DST: variants seen among roughly 807,000 people sequenced by gnomAD.
The protein encoded by DST is bullous pemphigoid antigen.
A neutral mutation model predicts 875.2 loss-of-function variants in DST; 253 were observed. The observed-to-expected ratio is 0.29, with a 90% CI of 0.26 to 0.32. The LOEUF (loss-of-function observed/expected upper bound fraction) is 0.32. DST is among the 10% of genes least tolerant of loss of function. The pLI is 1.00. For missense variants in DST, 8,287 were observed against 9,111.6 expected, an observed-to-expected ratio of 0.91 and a Z score of 3.68; for synonymous variants, 3,124 against 3,197.1, an observed-to-expected ratio of 0.98 and a Z score of 0.77.
At chr6:56,571,994 T>G (rs765980201) in intron 53 of DST, 106 bp downstream of exon 53, 6 of 529,664 alleles carry the variant, frequency 1.1e-5, no homozygotes, top group Non-Finnish European at 1.8e-5. Context: ...CCTATGCTTA[T>G]TCTCAAGTTT....
intron 2 of DST, among the ~76,000 whole-genome samples, chr6:56,940,191 TACACACACACACACACACACAC>T (rs59001581): frequency 1.4e-5 from 2 of 142,212 alleles, no homozygotes; most frequent in African/African-American, 2.6e-5. Flanking sequence ...ATTACCCCCA[TACACACACACACACACACACAC>T]ACACACACAC....
At chr6:56,880,837 CTTTTTT>C (rs765843469) in intron 3 of DST, among the ~76,000 whole-genome samples, 1 of 58,064 alleles carries the variant, frequency 1.7e-5, no homozygotes, top group Non-Finnish European at 2.8e-5. Context: ...TACTGTCTTT[CTTTTTT>C]TTTTTTTTTT....
chr6:56,893,579 T>TTTTTTTTTTA (rs1788902020), intron 3 of DST, among the ~76,000 whole-genome samples: 1 of 69,198 alleles, frequency 1.4e-5, no homozygotes, highest in Non-Finnish European at 2.7e-5. Flanking sequence ...TTTTTTTTTT[T>TTTTTTTTTTA]TTTTTTTTAT....
Position 56,517,594 on chromosome 6 carries a change from T to A in DST, c.18156A>T (p.Leu6052Phe). Reference sequence around the variant, plus strand: ...TTTTTTCTGTTTCAGTAATCCAGGATAACTCAGCATCAGCTGCTTGGTCAA... The same window carrying A: ...TTTTTTCTGTTTCAGTAATCCAGGAAAACTCAGCATCAGCTGCTTGGTCAA... ...QQFDQAADAE[L>F]SWITETEKKL... Residue 6052 changes from leucine (L) to phenylalanine (F), a missense_variant, in exon 70 of 104, where the codon TTA (leucine) becomes TTT (phenylalanine). Leu to Phe is a conservative substitution (Grantham distance 22). This residue lies in a region of DST where 777 missense variants were observed against 764.8 expected (regional missense o/e 1.02). Coordinates refer to ENST00000680361, the MANE Select transcript of DST (RefSeq NM_001374736.1). 6.2e-7 allele frequency: 1 copy of A among 1,613,134 alleles called. No individual in the cohort carries two copies. Among genetic ancestry groups the A allele is most frequent in the Non-Finnish European group, 8.5e-7 (1 of 1,179,520 alleles).
In DST at chr6:56,615,887, A is replaced by G. The variant is rs754471163; in HGVS notation, c.4930-1403T>C. Reference sequence around the variant, plus strand: ...CATTTTGTTAGTGATGGGATGGCCAATCCCTGTGATTACTAATTCACACTG... The same window carrying G: ...CATTTTGTTAGTGATGGGATGGCCAGTCCCTGTGATTACTAATTCACACTG... On this transcript the variant is annotated intron_variant, in intron 36 of 103. Transcript: ENST00000680361. 4.0e-5 allele frequency: 64 copies of G among 1,614,034 alleles called. No individual in the cohort carries two copies. The highest frequency in any genetic ancestry group is 5.0e-5 in the Non-Finnish European group (59 of 1,180,020).
In DST at chr6:56,607,905, A is replaced by G; in HGVS notation, c.6723T>C (p.Phe2241=). The change falls in exon 40 of 104, where the codon TTT becomes TTC. Residue 2241 remains phenylalanine (F), a synonymous_variant. Transcript: ENST00000680361. ...GMLLEGCHAE[F]DGNTAIKECL... ...ATTCTTTTATGGCTGTGTTTCCATC[A>G]AATTCTGCATGACAGCCTTCCAGTA... 2 of 1,613,712 alleles carry G rather than the reference A, an allele frequency of 1.2e-6. No homozygotes were observed. The highest frequency in any genetic ancestry group is 2.7e-5 in the African/African-American group (2 of 75,026).
chr6:56,561,725 A>G (rs1308101789), intron 56 of DST, among the ~76,000 whole-genome samples, 176 bp from the exon 57 acceptor site: 1 of 152,208 alleles, frequency 6.6e-6, no homozygotes, highest in Non-Finnish European at 1.5e-5. Flanking sequence ...TTATAATGCT[A>G]TTTAGTCACA....
chr6:56,951,066 T>C (rs1470321589), intron 2 of DST, among the ~76,000 whole-genome samples: 1 of 152,052 alleles, frequency 6.6e-6, no homozygotes, highest in Non-Finnish European at 1.5e-5. Context: ...TCTCTAGGAG[T>C]ATTTCTCTGA....
chr6:56,897,892 T>C (rs1166622994), intron 3 of DST, among the ~76,000 whole-genome samples: 6 of 152,096 alleles, frequency 3.9e-5, no homozygotes, highest in Non-Finnish European at 7.4e-5. Context: ...GCACCATCCT[T>C]GTGGAAGGGC....
At chr6:56,942,114 T>G (rs1816914236) in intron 2 of DST, among the ~76,000 whole-genome samples, 1 of 152,220 alleles carries the variant, frequency 6.6e-6, no homozygotes, top group South Asian at 2.1e-4. Flanking sequence ...ATTATCTACT[T>G]TACCTAATAT....
intron 10 of DST, among the ~76,000 whole-genome samples, chr6:56,667,055 G>C (rs1440607786): frequency 6.6e-6 from 1 of 151,952 alleles, no homozygotes; most frequent in African/African-American, 2.4e-5. Context: ...CTCTACAGGT[G>C]TATGCCACCA....
chr6:56,482,821 T>A lies in DST; in HGVS notation c.21264A>T (p.Ser7088=), dbSNP rs757160882. 9.9e-6 allele frequency: 16 copies of A among 1,612,972 alleles called. No individual in the cohort carries two copies. The East Asian group carries it at 3.6e-4, about 36-fold the overall frequency. Residue 7088 remains serine (S), a synonymous_variant, in exon 89 of 104, where the codon TCA becomes TCT. Transcript: ENST00000680361. The part of the protein sequence containing the change: ...RTSSVQALKR[S]ARELIEGSRD... ...GACTGCCTTCTATGAGTTCTCGGGC[T>A]GAGCGCTTCAGGGCCTGCACACTGC...
At position 56,614,435 on chromosome 6, in the gene DST, A is replaced by G; in HGVS notation, c.4979T>C (p.Leu1660Ser). ...GCTGATATTTGATACCCATTTTTGCAATTCTTTGGCTTTTTCAACATGTTC... is the reference window on the plus strand; with the variant it reads ...GCTGATATTTGATACCCATTTTTGCGATTCTTTGGCTTTTTCAACATGTTC... ...KKEHVEKAKE[L>S]QKWVSNISKT... Residue 1660 changes from leucine to serine, a missense_variant, in exon 37 of 104, where the codon TTG becomes TCG. Coordinates refer to ENST00000680361, the MANE Select transcript of DST (RefSeq NM_001374736.1). 6.2e-7 allele frequency: 1 copy of G among 1,609,496 alleles called. No homozygotes were observed.
At chr6:56,819,279 C>T (rs930709563) in intron 4 of DST, among the ~76,000 whole-genome samples, 6 of 152,042 alleles carry the variant, frequency 3.9e-5, no homozygotes, top group African/African-American at 1.4e-4. Context: ...TGGGAAAAGC[C>T]GCAAAGGAAA....
At chr6:56,550,808 G>A (rs942656512) in intron 61 of DST, among the ~76,000 whole-genome samples, 1 of 152,094 alleles carries the variant, frequency 6.6e-6, no homozygotes, top group African/African-American at 2.4e-5. Context: ...GTGCTGACAG[G>A]GTTCTAGAGA....
At chr6:56,824,802 C>A (rs2099777839) in intron 4 of DST, among the ~76,000 whole-genome samples, 1 of 152,012 alleles carries the variant, frequency 6.6e-6, no homozygotes, top group Non-Finnish European at 1.5e-5. Context: ...AGGAGCCCCT[C>A]CGTCCGGCAG....
intron 4 of DST, among the ~76,000 whole-genome samples, chr6:56,850,197 C>T (rs974956177): frequency 7.9e-5 from 12 of 152,124 alleles, no homozygotes; most frequent in African/African-American, 2.7e-4. Flanking sequence ...CATCTCACAG[C>T]GGAAGCCAGA....
At position 56,670,801 on chromosome 6, in the gene DST, C is replaced by T; in HGVS notation, c.1054G>A (p.Asp352Asn). Residue 352 changes from aspartate to asparagine, a missense_variant, in exon 10 of 104, where the codon GAT (aspartate) becomes AAT (asparagine). Asp to Asn is a conservative substitution (Grantham distance 23). Transcript: ENST00000680361. ...TCTGACTCTCCAGTAACATGGATAT[C>T]AGATATCTAGATATAACAGAAAGTG... ...WTIILHFQISDIHVTGESEDM... is the reference protein window; with the variant it reads ...WTIILHFQISNIHVTGESEDM... 1 of 1,588,324 alleles carries T rather than the reference C, an allele frequency of 6.3e-7. No individual in the cohort carries two copies. Among genetic ancestry groups the T allele is most frequent in the Non-Finnish European group, 8.6e-7 (1 of 1,168,138 alleles).
chr6:56,586,060 A>G (rs1442180380), intron 49 of DST, among the ~76,000 whole-genome samples: 3 of 152,186 alleles, frequency 2.0e-5, no homozygotes, highest in African/African-American at 7.2e-5. Context: ...GCTGAAAAAA[A>G]ATGTATATTC....
Sources: allele counts gnomAD v4.1 joint callset (sites outside exome capture counted in the v4.1 genomes callset), GRCh38; gene constraint gnomAD v4.1.1; regional missense constraint gnomAD v4.1.1; transcripts MANE v1.5; gene names NCBI Gene and HGNC (gene_info 2026-07-23, HGNC 2026-07-21).